The following WASHC5 variants were observed in gnomAD, a reference collection of about 807,000 sequenced individuals.
WASHC5 encodes the protein WASH complex subunit 5.
WASHC5 carries 101 observed loss-of-function variants against 150.4 expected under a neutral mutation model. The observed-to-expected ratio is 0.67, with a 90% CI of 0.57 to 0.79. The LOEUF is 0.79. Ranked by LOEUF, WASHC5 falls within the 30% of genes least tolerant of loss-of-function variation. The probability of loss-of-function intolerance (pLI) is 0.00; values close to 1 mark genes in which losing one functional copy is unlikely to be tolerated. For missense variants in WASHC5, 1,195 were observed against 1,396.3 expected (o/e 0.86, Z 2.30); for synonymous variants, 467 against 491.2 (o/e 0.95, Z 0.65).
rs564707986 is a variant in WASHC5 at position 125,050,777 on chromosome 8, A to G, written c.2098-112T>C. Reference sequence around the variant, plus strand: ...CAGTGGGGCATTTTCCTACCTCCTCACTAAATGATTTGAATTTTTTCCTTT... The same window carrying G: ...CAGTGGGGCATTTTCCTACCTCCTCGCTAAATGATTTGAATTTTTTCCTTT... On this transcript the variant is annotated intron_variant, in intron 17 of 28. Coordinates refer to ENST00000318410, the MANE Select transcript of WASHC5 (RefSeq NM_014846.4). 6.2e-4 allele frequency: 474 copies of G among 767,444 alleles called. 3 individuals are homozygous for G. Among genetic ancestry groups the G allele is most frequent in the Middle Eastern group, 1.8e-3 (8 of 4,434 alleles). 47.5% of individuals were successfully genotyped at this position (767,444 alleles called of 1,614,324 possible).
At position 125,047,275 on chromosome 8, in the gene WASHC5, G is replaced by A. The variant is rs541699415; in HGVS notation, c.2436C>T (p.Thr812=). 9.9e-6 allele frequency: 16 copies of A among 1,613,912 alleles called. No individual in the cohort carries two copies. The African/African-American group carries it at 1.2e-4, about 12-fold the overall frequency. The change falls in exon 20 of 29, where the codon ACC becomes ACT. Residue 812 remains threonine (T), a synonymous_variant. Transcript: ENST00000318410. ...QSTHIPIPKF[T]PVDESVTFIG... ...TAAACGTTACAGACTCATCCACAGG[G>A]GTAAACTTGGGTATTGGAATATGAG...
At chr8:125,084,617 T>G (rs1406733589) in intron 1 of WASHC5, among the ~76,000 whole-genome samples, 1 of 152,254 alleles carries the variant, frequency 6.6e-6, no homozygotes, top group Non-Finnish European at 1.5e-5. Context: ...CAGAATCCAT[T>G]ACTTGCTTCT....
At position 125,028,648 on chromosome 8, in the gene WASHC5, T is replaced by G; in HGVS notation, c.3395A>C (p.Tyr1132Ser). Residue 1132 changes from tyrosine to serine, a missense_variant, in exon 28 of 29, where the codon TAT becomes TCT. Tyr to Ser is a moderately radical substitution (Grantham distance 144). Coordinates refer to ENST00000318410, the MANE Select transcript of WASHC5 (RefSeq NM_014846.4). ...CCTGGGTAGCTTTGTGTACCGAACA[T>G]AATCCTCCAGGAACAGAAGGGCACC... The part of the protein sequence containing the change: ...VVGALLFLED[Y>S]VRYTKLPRRV... The G allele has an allele frequency of 6.2e-7, 1 of 1,613,646 alleles. No individual in the cohort carries two copies. Among genetic ancestry groups the G allele is most frequent in the Non-Finnish European group, 8.5e-7 (1 of 1,179,556 alleles).
chr8:125,042,558 C>A lies in WASHC5; in HGVS notation c.2850+1267G>T, dbSNP rs1360898526. On this transcript the variant is annotated intron_variant, in intron 23 of 28. Coordinates refer to ENST00000318410, the MANE Select transcript of WASHC5 (RefSeq NM_014846.4). ...GTTACTGAATTACTGGCAACTATAA[C>A]CAATAGTTGGAATAGCTACTGGACT... Among the ~76,000 whole-genome samples the A allele has an allele frequency of 2.0e-5, 3 of 152,116 alleles. No individual in the cohort carries two copies. The East Asian group carries it at 5.8e-4, about 29-fold the overall frequency.
At chr8:125,033,295 CT>C (rs1349045063) in intron 26 of WASHC5, among the ~76,000 whole-genome samples, 1 of 152,132 alleles carries the variant, frequency 6.6e-6, no homozygotes, top group African/African-American at 2.4e-5. Flanking sequence ...AGAATAGAGT[CT>C]AGAGATAGTC....
chr8:125,047,780 C>T (rs1008342428), intron 19 of WASHC5, among the ~76,000 whole-genome samples: 6 of 152,112 alleles, frequency 3.9e-5, no homozygotes, highest in African/African-American at 1.4e-4. Flanking sequence ...AAACACTTGA[C>T]CTCAGGTGAT....
intron 17 of WASHC5, among the ~76,000 whole-genome samples, chr8:125,052,859 A>G (rs1047560799): frequency 6.6e-6 from 1 of 152,186 alleles, no homozygotes; most frequent in African/African-American, 2.4e-5. Flanking sequence ...TGAAAATATC[A>G]GAAGTCAAAA....
At chr8:125,032,030 A>G (rs528189126) in intron 27 of WASHC5, among the ~76,000 whole-genome samples, 1 of 152,308 alleles carries the variant, frequency 6.6e-6, no homozygotes, top group Admixed American at 6.5e-5. Flanking sequence ...CAATGTGAGT[A>G]GACCGGATGG....
At chr8:125,085,704 A>G (rs999171931) in intron 1 of WASHC5, among the ~76,000 whole-genome samples, 2 of 152,158 alleles carry the variant, frequency 1.3e-5, no homozygotes, top group Admixed American at 6.5e-5. Flanking sequence ...CCTTCCCACT[A>G]GCTTCCTCCT....
At chr8:125,060,065 C>G (rs1317629989) in intron 12 of WASHC5, among the ~76,000 whole-genome samples, 1 of 152,086 alleles carries the variant, frequency 6.6e-6, no homozygotes, top group East Asian at 1.9e-4. Flanking sequence ...ATCCTAAAAA[C>G]CTTGCAGAAA....
In WASHC5 at chr8:125,043,806, C is replaced by A; in HGVS notation, c.2850+19G>T. 5.8e-6 allele frequency: 9 copies of A among 1,553,390 alleles called. No homozygotes were observed. The highest frequency in any genetic ancestry group is 8.0e-6 in the Non-Finnish European group (9 of 1,125,014). ...AAAAATGTAAGTATTGACTGTACAC[C>A]CTCTCTTCTACAACATACCTTCATT... On this transcript the variant is annotated intron_variant, in intron 23 of 28. Coordinates refer to ENST00000318410, the MANE Select transcript of WASHC5 (RefSeq NM_014846.4).
rs73346289 is a variant in WASHC5 at position 125,070,560 on chromosome 8, T to C, written c.1150+2593A>G. ...CACTAGAAAACCCCAGTTGGTTTTA[T>C]GACAGGATAAAGTGAGGGCTTGAGT... is the stretch of plus-strand genomic sequence containing the variant. On this transcript the variant is annotated intron_variant, in intron 9 of 28. Coordinates refer to ENST00000318410, the MANE Select transcript of WASHC5 (RefSeq NM_014846.4). Among the ~76,000 whole-genome samples, 155 of 152,348 alleles carry C rather than the reference T, an allele frequency of 1.0e-3. 2 individuals are homozygous for C. The highest frequency in any genetic ancestry group is 3.4e-3 in the African/African-American group (141 of 41,592).
At chr8:125,041,151 G>A (rs1815872396) in intron 23 of WASHC5, among the ~76,000 whole-genome samples, 1 of 152,182 alleles carries the variant, frequency 6.6e-6, no homozygotes, top group Non-Finnish European at 1.5e-5. Flanking sequence ...CCCTCATAAT[G>A]TTGTCTGCAT....
At chr8:125,088,925 G>A (rs140047883) in intron 1 of WASHC5, among the ~76,000 whole-genome samples, 2 of 152,268 alleles carry the variant, frequency 1.3e-5, no homozygotes, top group African/African-American at 4.8e-5. Context: ...CTAGCAAGGT[G>A]GCTAAAGTGG....
rs578136871 is a variant in WASHC5 at position 125,042,579 on chromosome 8, G to A, written c.2850+1246C>T. Among the ~76,000 whole-genome samples the A allele has an allele frequency of 5.8e-4, 89 of 152,268 alleles. No homozygotes were observed. The Middle Eastern group carries it at 0.024, about 41-fold the overall frequency. On this transcript the variant is annotated intron_variant, in intron 23 of 28. Coordinates refer to ENST00000318410, the MANE Select transcript of WASHC5 (RefSeq NM_014846.4). ...ATAACCAATAGTTGGAATAGCTACTGGACTGAGAACCCTCCAGTAAGCAAG... is the reference window on the plus strand; with the variant it reads ...ATAACCAATAGTTGGAATAGCTACTAGACTGAGAACCCTCCAGTAAGCAAG...
Position 125,075,042 on chromosome 8 carries a change from T to C in WASHC5, c.934A>G (p.Thr312Ala). ...AGGTCCAGGGTATTATTTAAAGCAG[T>C]TTTTGCAGCTTTGTAAGGTTCCCAA... ...DAWEPYKAAK[T>A]ALNNTLDLSN... Residue 312 changes from threonine to alanine, a missense_variant, in exon 8 of 29, where the codon ACT becomes GCT. Transcript: ENST00000318410. The C allele has an allele frequency of 6.2e-7, 1 of 1,612,890 alleles. No individual in the cohort carries two copies. Among genetic ancestry groups the C allele is most frequent in the African/African-American group, 1.3e-5 (1 of 74,974 alleles).
At chr8:125,045,849 C>G (rs1263995192) in intron 20 of WASHC5, among the ~76,000 whole-genome samples, 1 of 152,176 alleles carries the variant, frequency 6.6e-6, no homozygotes, top group Non-Finnish European at 1.5e-5. Context: ...ATTCTGGTCA[C>G]ACTTAATCCT....
At chr8:125,090,412 G>A (rs1460195427) in intron 1 of WASHC5, among the ~76,000 whole-genome samples, 1 of 152,176 alleles carries the variant, frequency 6.6e-6, no homozygotes, top group Admixed American at 6.5e-5. Context: ...CACTGTAGAA[G>A]AAGCTATGTT....
intron 11 of WASHC5, 122 bp downstream of exon 11, chr8:125,063,400 G>A: frequency 9.1e-7 from 1 of 1,098,184 alleles, no homozygotes; most frequent in Non-Finnish European, 1.4e-6. Flanking sequence ...CAACACTAAA[G>A]ATGGAATATC....
Sources: allele counts gnomAD v4.1 joint callset (sites outside exome capture counted in the v4.1 genomes callset), GRCh38; gene constraint gnomAD v4.1.1; transcripts MANE v1.5; gene names NCBI Gene and HGNC (gene_info 2026-07-23, HGNC 2026-07-21).